Variants in ROR1 observed in about 807,000 individuals in gnomAD.
The protein encoded by ROR1 is ROR family WNT receptor 1.
Under a neutral mutation model 78.8 loss-of-function variants are expected in ROR1, and 19 were observed. The ratio of observed to expected loss-of-function variants is 0.24; its 90% CI spans 0.17 to 0.35. ROR1 has a LOEUF of 0.35. Among genes scored for constraint, ROR1 ranks in the 10% least tolerant of loss-of-function variants. The pLI, the probability that ROR1 is intolerant of heterozygous loss-of-function variation, is 1.00. For missense variants in ROR1, 917 were observed against 1,177.8 expected, an observed-to-expected ratio of 0.78 and a Z score of 3.24; for synonymous variants, 386 against 433.6, an observed-to-expected ratio of 0.89 and a Z score of 1.36.
At chr1:64,032,898 A>T (rs964895152) in intron 2 of ROR1, among the ~76,000 whole-genome samples, 13 of 152,186 alleles carry the variant, frequency 8.5e-5, no homozygotes, top group East Asian at 3.9e-4. Flanking sequence ...CACCACTTAT[A>T]TGAGGTACCT....
At chr1:63,934,906 T>A (rs1292679407) in intron 1 of ROR1, among the ~76,000 whole-genome samples, 1 of 152,154 alleles carries the variant, frequency 6.6e-6, no homozygotes, top group Non-Finnish European at 1.5e-5. Context: ...TGTAAATTAT[T>A]TTTTCAAAGG....
At chr1:63,880,691 G>A (rs1049528471) in intron 1 of ROR1, among the ~76,000 whole-genome samples, 5 of 152,036 alleles carry the variant, frequency 3.3e-5, no homozygotes, top group African/African-American at 1.2e-4. Context: ...GGTTCTTTTC[G>A]GTTTCTAAGC....
At chr1:63,869,337 A>G (rs1443802607) in intron 1 of ROR1, among the ~76,000 whole-genome samples, 1 of 152,216 alleles carries the variant, frequency 6.6e-6, no homozygotes, top group Non-Finnish European at 1.5e-5. Flanking sequence ...GAGTCTGAAT[A>G]TACTGGTATC....
intron 2 of ROR1, chr1:64,029,063 T>C (rs1050265461): frequency 1.3e-5 from 2 of 152,120 alleles, no homozygotes; most frequent in African/African-American, 4.8e-5. Context: ...ATGTCTTGTT[T>C]CAGTACTAGT....
At chr1:64,051,444 C>T (rs12084074) in intron 4 of ROR1, among the ~76,000 whole-genome samples, 3,508 of 117,588 alleles carry the variant, frequency 0.03, 131 homozygotes, top group African/African-American at 0.083. Flanking sequence ...AGTGAGACTC[C>T]GTCTCAAAAA....
intron 2 of ROR1, among the ~76,000 whole-genome samples, chr1:64,042,026 T>G (rs74822425): frequency 0.012 from 1,782 of 152,246 alleles, 37 homozygotes; most frequent in African/African-American, 0.041. Context: ...TGGTTTCTTC[T>G]TGTAAACAAG....
intron 1 of ROR1, among the ~76,000 whole-genome samples, chr1:63,856,090 TTCC>T (rs199696934): frequency 0.037 from 5,596 of 152,156 alleles, 228 homozygotes; most frequent in South Asian, 0.1. Flanking sequence ...TTTTTTTTTT[TTCC>T]TCCTCATCAG....
chr1:64,014,977 G>A lies in ROR1; in HGVS notation c.163+5601G>A, dbSNP rs1430283128. Among the ~76,000 whole-genome samples the A allele has an allele frequency of 6.6e-5, 10 of 150,956 alleles. No individual in the cohort carries two copies. The South Asian group carries it at 8.5e-4, about 13-fold the overall frequency. ...TCATGCTACAGATAAAGACATACCCGAGACTGGGAAGAAAAAGAGGTTTAA... is the reference window on the plus strand; with the variant it reads ...TCATGCTACAGATAAAGACATACCCAAGACTGGGAAGAAAAAGAGGTTTAA... On this transcript the variant is annotated intron_variant, in intron 2 of 8. Transcript: ENST00000371079.
At chr1:64,168,823 A>G (rs1650159772) in intron 8 of ROR1, among the ~76,000 whole-genome samples, 3 of 152,234 alleles carry the variant, frequency 2.0e-5, no homozygotes, top group Non-Finnish European at 2.9e-5. Context: ...GTGGTCATTC[A>G]TCATGCAGAG....
intron 1 of ROR1, among the ~76,000 whole-genome samples, chr1:63,969,701 G>A (rs1646103904): frequency 1.3e-5 from 2 of 152,028 alleles, no homozygotes; most frequent in South Asian, 4.2e-4. Flanking sequence ...GTCCAGTTCT[G>A]TGGATTCCCC....
chr1:64,087,351 C>G (rs1339888737), intron 4 of ROR1, among the ~76,000 whole-genome samples: 1 of 152,178 alleles, frequency 6.6e-6, no homozygotes, highest in African/African-American at 2.4e-5. Context: ...CTGGCTTATA[C>G]AAAACGTAAG....
intron 1 of ROR1, among the ~76,000 whole-genome samples, chr1:63,908,322 T>C (rs1333138349): frequency 1.3e-5 from 2 of 152,198 alleles, no homozygotes; most frequent in Admixed American, 1.3e-4. Flanking sequence ...CAGTTGGAAA[T>C]AGGATATGGA....
intron 4 of ROR1, among the ~76,000 whole-genome samples, chr1:64,098,060 G>T (rs1373643082): frequency 1.3e-5 from 2 of 152,058 alleles, no homozygotes; most frequent in Non-Finnish European, 2.9e-5. Flanking sequence ...TCATGTGCTT[G>T]TCACAAATCA....
chr1:63,987,517 T>C (rs1646262271), intron 1 of ROR1, among the ~76,000 whole-genome samples: 1 of 152,226 alleles, frequency 6.6e-6, no homozygotes, highest in Non-Finnish European at 1.5e-5. Context: ...TAGTGACTTT[T>C]AAGTTAGATT....
chr1:64,070,511 G>T (rs942223719), intron 4 of ROR1, among the ~76,000 whole-genome samples: 5 of 151,974 alleles, frequency 3.3e-5, no homozygotes, highest in Non-Finnish European at 5.9e-5. Context: ...ATAGAGATGG[G>T]ATCCCACCAT....
At chr1:64,068,360 A>G (rs1255863221) in intron 4 of ROR1, among the ~76,000 whole-genome samples, 2 of 152,130 alleles carry the variant, frequency 1.3e-5, no homozygotes, top group African/African-American at 2.4e-5. Context: ...TTTGATTATT[A>G]TTTGGCAACC....
chr1:64,034,183 A>ATTTTTTTTTTTT (rs35110436), intron 2 of ROR1, among the ~76,000 whole-genome samples: 3 of 144,082 alleles, frequency 2.1e-5, no homozygotes, highest in Non-Finnish European at 3.0e-5. Context: ...TTGCTTTTTC[A>ATTTTTTTTTTTT]TTTTTTTTTT....
intron 1 of ROR1, among the ~76,000 whole-genome samples, chr1:63,941,470 T>C (rs1035991060): frequency 6.6e-6 from 1 of 152,110 alleles, no homozygotes; most frequent in Admixed American, 6.5e-5. Flanking sequence ...AAGTAAAAGG[T>C]TTTTTAAGTA....
intron 1 of ROR1, among the ~76,000 whole-genome samples, chr1:63,931,244 C>G (rs768512228): frequency 1.3e-5 from 2 of 152,162 alleles, no homozygotes; most frequent in African/African-American, 2.4e-5. Context: ...ATGGCGCTAC[C>G]ATACTCCAAC....
Sources: allele counts gnomAD v4.1 joint callset (sites outside exome capture counted in the v4.1 genomes callset), GRCh38; gene constraint gnomAD v4.1.1; transcripts MANE v1.5; gene names NCBI Gene and HGNC (gene_info 2026-07-23, HGNC 2026-07-21).